Variants in TBC1D5 observed in about 807,000 individuals in gnomAD.
TBC1D5 encodes TBC1 domain family, member 5.
In TBC1D5, 75 loss-of-function variants were observed where a neutral mutation model predicts 100.3. The observed-to-expected ratio is 0.75, with a 90% CI of 0.62 to 0.91. TBC1D5 has a LOEUF of 0.91. Among genes scored for constraint, TBC1D5 ranks in the 40% least tolerant of loss-of-function variants. TBC1D5 has a pLI of 0.00. For missense variants in TBC1D5, 910 were observed against 942.4 expected (o/e 0.97, Z 0.45); for synonymous variants, 323 against 325.6 (o/e 0.99, Z 0.09).
At chr3:17,604,977 G>A (rs2061246104) in intron 2 of TBC1D5, among the ~76,000 whole-genome samples, 1 of 152,168 alleles carries the variant, frequency 6.6e-6, no homozygotes, top group South Asian at 2.1e-4. Flanking sequence ...CACCCAGCCA[G>A]ATCCATGATA....
At chr3:17,305,113 G>A (rs750950740) in intron 14 of TBC1D5, among the ~76,000 whole-genome samples, 1 of 152,106 alleles carries the variant, frequency 6.6e-6, no homozygotes, top group Admixed American at 6.5e-5. Context: ...CCCTGGCAAA[G>A]GTATCCAATG....
rs1414502810 is a variant in TBC1D5 at position 17,167,256 on chromosome 3, A to G, written c.1933-328T>C. Among the ~76,000 whole-genome samples the G allele has an allele frequency of 2.6e-5, 4 of 152,204 alleles. No individual in the cohort carries two copies. The South Asian group carries it at 6.2e-4, about 24-fold the overall frequency. ...ACCCCCACTGCACACCTTGGTCACT[A>G]AAGTGGCTCCACCTGAGCTGGACTG... On this transcript the variant is annotated intron_variant, in intron 20 of 21. Transcript: ENST00000253692.
chr3:17,531,593 G>C (rs1300152814), intron 2 of TBC1D5, among the ~76,000 whole-genome samples: 2 of 152,112 alleles, frequency 1.3e-5, no homozygotes, highest in Non-Finnish European at 1.5e-5. Flanking sequence ...TATACTACAA[G>C]GCTACAGTAA....
chr3:17,602,091 A>T (rs2060993314), intron 2 of TBC1D5, among the ~76,000 whole-genome samples: 1 of 152,196 alleles, frequency 6.6e-6, no homozygotes. Flanking sequence ...TCGGCCTCCC[A>T]AAGTACTGGT....
At chr3:17,354,728 C>A (rs536998705) in intron 13 of TBC1D5, among the ~76,000 whole-genome samples, 177 of 150,658 alleles carry the variant, frequency 1.2e-3, no homozygotes, top group Middle Eastern at 3.4e-3. Flanking sequence ...AAAAAAAAAA[C>A]CCCAGAGAAA....
At chr3:17,428,809 A>G (rs923158274) in intron 3 of TBC1D5, among the ~76,000 whole-genome samples, 1 of 151,994 alleles carries the variant, frequency 6.6e-6, no homozygotes, top group Non-Finnish European at 1.5e-5. Flanking sequence ...AGACAAAACT[A>G]AAATTATAAA....
intron 18 of TBC1D5, among the ~76,000 whole-genome samples, chr3:17,202,058 T>C (rs529925194): frequency 2.0e-5 from 3 of 152,334 alleles, no homozygotes; most frequent in African/African-American, 7.2e-5. Context: ...TGGAACTTCC[T>C]GGAAACTTGT....
At chr3:17,726,928 A>G (rs1456422180) in intron 1 of TBC1D5, among the ~76,000 whole-genome samples, 2 of 152,226 alleles carry the variant, frequency 1.3e-5, no homozygotes, top group East Asian at 3.8e-4. Flanking sequence ...TTCCACCAAT[A>G]CTGTCTAGAA....
intron 3 of TBC1D5, among the ~76,000 whole-genome samples, chr3:17,473,269 T>C (rs937273678): frequency 2.0e-5 from 3 of 152,156 alleles, no homozygotes; most frequent in East Asian, 1.9e-4. Flanking sequence ...TAAGTGTCGA[T>C]ACCTTGAAAG....
At chr3:17,395,153 A>G (rs1458973913) in intron 8 of TBC1D5, among the ~76,000 whole-genome samples, 2 of 152,044 alleles carry the variant, frequency 1.3e-5, no homozygotes, top group African/African-American at 4.8e-5. Flanking sequence ...GCTGCAGTTC[A>G]GGAGATGGGA....
intron 3 of TBC1D5, among the ~76,000 whole-genome samples, chr3:17,442,964 G>C (rs985386861): frequency 2.0e-5 from 3 of 151,984 alleles, no homozygotes; most frequent in African/African-American, 7.3e-5. Context: ...GGAGGAAAGG[G>C]AAGAGAGGAA....
chr3:17,601,917 T>C (rs904339551), intron 2 of TBC1D5, among the ~76,000 whole-genome samples: 3 of 151,852 alleles, frequency 2.0e-5, no homozygotes, highest in African/African-American at 7.3e-5. Flanking sequence ...GCAAGCTCCG[T>C]CTCCCAGGTT....
intron 8 of TBC1D5, among the ~76,000 whole-genome samples, chr3:17,390,589 C>T (rs1418515774): frequency 6.6e-6 from 1 of 151,982 alleles, no homozygotes; most frequent in African/African-American, 2.4e-5. Context: ...GACAAAGAAG[C>T]ACAGAAGGAC....
intron 15 of TBC1D5, among the ~76,000 whole-genome samples, chr3:17,261,160 T>A (rs557094031): frequency 1.3e-3 from 205 of 152,358 alleles, no homozygotes; most frequent in African/African-American, 4.4e-3. Context: ...TCTTCCAATT[T>A]ACCTATAATT....
chr3:17,516,360 T>A (rs1281587575), intron 2 of TBC1D5, among the ~76,000 whole-genome samples: 4 of 152,172 alleles, frequency 2.6e-5, no homozygotes, highest in Non-Finnish European at 5.9e-5. Context: ...GCCAAAAGAT[T>A]TCCTATTTAC....
chr3:17,223,442 T>G (rs1258485851), intron 17 of TBC1D5, among the ~76,000 whole-genome samples: 1 of 152,232 alleles, frequency 6.6e-6, no homozygotes, highest in African/African-American at 2.4e-5. Context: ...TTAATCCTAA[T>G]GACATTGTGA....
At chr3:17,550,455 T>G (rs1322347218) in intron 2 of TBC1D5, among the ~76,000 whole-genome samples, 1 of 151,906 alleles carries the variant, frequency 6.6e-6, no homozygotes, top group Non-Finnish European at 1.5e-5. Context: ...TCATCTGAAT[T>G]GAAACACACC....
chr3:17,324,530 G>A (rs1032097762), intron 13 of TBC1D5, among the ~76,000 whole-genome samples: 1 of 152,086 alleles, frequency 6.6e-6, no homozygotes, highest in African/African-American at 2.4e-5. Context: ...TGTAATCCCA[G>A]CTACTGGGGA....
intron 3 of TBC1D5, among the ~76,000 whole-genome samples, chr3:17,473,369 G>A (rs545373331): frequency 1.3e-5 from 2 of 152,260 alleles, no homozygotes; most frequent in South Asian, 4.1e-4. Context: ...ATGTGACTTT[G>A]ATAGGAGATT....
Sources: allele counts gnomAD v4.1 joint callset (sites outside exome capture counted in the v4.1 genomes callset), GRCh38; gene constraint gnomAD v4.1.1; transcripts MANE v1.5; gene names NCBI Gene and HGNC (gene_info 2026-07-23, HGNC 2026-07-21).